Variants in VANGL2 observed in about 807,000 individuals in gnomAD.
VANGL2 encodes vang-like protein 2.
VANGL2 carries 14 observed loss-of-function variants against 50.2 expected under a neutral mutation model. The observed-to-expected ratio is 0.28, with a 90% CI of 0.18 to 0.44. The LOEUF is 0.44. Among genes scored for constraint, VANGL2 ranks in the 20% least tolerant of loss-of-function variants. The probability of loss-of-function intolerance (pLI) is 1.00; values close to 1 mark genes in which losing one functional copy is unlikely to be tolerated. For missense variants in VANGL2, 533 were observed against 701.5 expected (o/e 0.76, Z 2.71); for synonymous variants, 295 against 297.2 (o/e 0.99, Z 0.08).
chr1:160,424,004 G>T, intron 6 of VANGL2, 48 bp from the exon 7 acceptor site: 1 of 1,600,874 alleles, frequency 6.2e-7, no homozygotes, highest in Non-Finnish European at 8.6e-7. Context: ...GGGGTGGGGT[G>T]GGGGAAAGAG....
chr1:160,403,302 A>G (rs1220098662), intron 1 of VANGL2, among the ~76,000 whole-genome samples: 1 of 151,998 alleles, frequency 6.6e-6, no homozygotes, highest in Admixed American at 6.5e-5. Flanking sequence ...TGCATGATAT[A>G]TTATGCTGGT....
chr1:160,422,957 G>A (rs1014298532), intron 6 of VANGL2, among the ~76,000 whole-genome samples: 7 of 151,378 alleles, frequency 4.6e-5, no homozygotes, highest in Non-Finnish European at 8.8e-5. Flanking sequence ...CCAGGCTGGA[G>A]TGCAGTGGCA....
Position 160,424,136 on chromosome 1 carries a change from C to T in VANGL2, c.1158C>T (p.Asp386=). 2 of 1,613,396 alleles carry T rather than the reference C, an allele frequency of 1.2e-6. No individual in the cohort carries two copies. Among genetic ancestry groups the T allele is most frequent in the Non-Finnish European group, 1.7e-6 (2 of 1,179,368 alleles). Residue 386 remains aspartate, a synonymous_variant, in exon 7 of 8, where the codon GAC becomes GAT. Transcript: ENST00000368061. ...AGAAAAACCCCAGGGAGGTGATGGA[C>T]CCCCGGGAGGCAGCCCAAGCCATCT... ...EEQKNPREVM[D]PREAAQAIFA...
At chr1:160,402,993 G>A (rs1238694336) in intron 1 of VANGL2, among the ~76,000 whole-genome samples, 1 of 152,100 alleles carries the variant, frequency 6.6e-6, no homozygotes, top group East Asian at 1.9e-4. Flanking sequence ...GAATGTTAGA[G>A]TCTCTAATGG....
chr1:160,407,513 C>A (rs892516876), intron 1 of VANGL2, among the ~76,000 whole-genome samples: 1 of 152,208 alleles, frequency 6.6e-6, no homozygotes, highest in African/African-American at 2.4e-5. Flanking sequence ...CTCTCCCCAT[C>A]CACAGCAAGC....
chr1:160,401,156 G>A (rs1454813859), intron 1 of VANGL2, among the ~76,000 whole-genome samples: 1 of 152,148 alleles, frequency 6.6e-6, no homozygotes, highest in East Asian at 1.9e-4. Flanking sequence ...GGACTTTCCT[G>A]GGCCCGGGCG....
rs145631649 is a variant in VANGL2 at position 160,420,541 on chromosome 1, G to A, written c.931G>A (p.Gly311Arg). 8.7e-6 allele frequency: 14 copies of A among 1,614,004 alleles called. No individual in the cohort carries two copies. The highest frequency in any genetic ancestry group is 6.7e-5 in the African/African-American group (5 of 74,888). The change falls in exon 5 of 8, where the codon GGA becomes AGA. Residue 311 changes from glycine (G) to arginine (R), a missense_variant. Gly to Arg is a moderately radical substitution (Grantham distance 125). Coordinates refer to ENST00000368061, the MANE Select transcript of VANGL2 (RefSeq NM_020335.3). ...GTCTGGCTTCAAGGTGTATTCCCTC[G>A]GAGAGGGTGAGCAGCCCTGCTCCTC... ...KVSGFKVYSL[G>R]EENSTNNSTG...
chr1:160,404,689 G>A (rs1256843456), intron 1 of VANGL2, among the ~76,000 whole-genome samples: 2 of 152,088 alleles, frequency 1.3e-5, no homozygotes, highest in Admixed American at 6.6e-5. Context: ...GGCTTCCTTC[G>A]CTTAACATAA....
intron 1 of VANGL2, among the ~76,000 whole-genome samples, chr1:160,410,133 T>C (rs1355569684): frequency 6.6e-6 from 1 of 152,156 alleles, no homozygotes; most frequent in Non-Finnish European, 1.5e-5. Context: ...CCCTAGTCCC[T>C]GACTACGGAG....
intron 6 of VANGL2, among the ~76,000 whole-genome samples, chr1:160,421,992 T>C (rs1182824047): frequency 1.3e-5 from 2 of 152,248 alleles, no homozygotes; most frequent in Non-Finnish European, 2.9e-5. Flanking sequence ...TAAGTGAATT[T>C]AGTCAACCCT....
rs1218051803 is a variant in VANGL2, at chr1:160,421,200, G to T, written c.1073+13G>T. 6.2e-7 allele frequency: 1 copy of T among 1,612,518 alleles called. No homozygotes were observed. Among genetic ancestry groups the T allele is most frequent in the Admixed American group, 1.7e-5 (1 of 60,008 alleles). On this transcript the variant is annotated intron_variant, in intron 6 of 7. Transcript: ENST00000368061. Reference sequence around the variant, plus strand: ...AGAGGAGGGCCAGGTGGGTCCCTGGGGGAGAAGAGGAGAGGAGGTGCTTGT... The same window carrying T: ...AGAGGAGGGCCAGGTGGGTCCCTGGTGGAGAAGAGGAGAGGAGGTGCTTGT...
chr1:160,407,525 C>T (rs1650721246), intron 1 of VANGL2, among the ~76,000 whole-genome samples: 1 of 152,216 alleles, frequency 6.6e-6, no homozygotes, highest in Non-Finnish European at 1.5e-5. Flanking sequence ...ACAGCAAGCC[C>T]GAGGTTGGCT....
chr1:160,408,028 C>A (rs1048786225), intron 1 of VANGL2, among the ~76,000 whole-genome samples: 27 of 152,310 alleles, frequency 1.8e-4, no homozygotes, highest in African/African-American at 6.3e-4. Context: ...CTTTCCACCC[C>A]CAGTGTTCTC....
rs1651466845 is a variant in VANGL2, at chr1:160,426,647, A to G, written c.*1269A>G. The G allele has an allele frequency of 6.6e-6, 1 of 152,608 alleles. No homozygotes were observed. The highest frequency in any genetic ancestry group is 1.5e-5 in the Non-Finnish European group (1 of 68,032). The allele number at this position is 152,608 out of a possible 1,614,324, so 9.5% of individuals were successfully genotyped here. On this transcript the variant is annotated 3_prime_UTR_variant, in exon 8 of 8. Transcript: ENST00000368061. ...CAAATCCAAATTCTTGATAATTTAG[A>G]TCTCATTTTGAGCAAAATTTGCTGG... is the stretch of plus-strand genomic sequence containing the variant.
intron 5 of VANGL2, 31 bp from the exon 6 acceptor site, chr1:160,421,021 T>G (rs1389629229): frequency 6.2e-7 from 1 of 1,613,718 alleles, no homozygotes; most frequent in Non-Finnish European, 8.5e-7. Flanking sequence ...CACTCTGATG[T>G]GACCATCTCC....
chr1:160,409,112 G>A (rs936165590), intron 1 of VANGL2, among the ~76,000 whole-genome samples: 6 of 152,238 alleles, frequency 3.9e-5, no homozygotes, highest in African/African-American at 1.4e-4. Flanking sequence ...AGAAGAGGGG[G>A]CAGGACGGAG....
intron 1 of VANGL2, among the ~76,000 whole-genome samples, chr1:160,401,357 CAG>C (rs772408429): frequency 2.7e-5 from 4 of 150,676 alleles, no homozygotes; most frequent in Non-Finnish European, 5.9e-5. Flanking sequence ...AGAGTGGAGT[CAG>C]GGGGGCGGGT....
At chr1:160,405,307 G>A (rs1000338332) in intron 1 of VANGL2, among the ~76,000 whole-genome samples, 6 of 152,100 alleles carry the variant, frequency 3.9e-5, no homozygotes, top group African/African-American at 9.7e-5. Flanking sequence ...TCTACCCTAC[G>A]GCGGCCCTCC....
At chr1:160,411,954 A>G (rs1650896826) in intron 1 of VANGL2, among the ~76,000 whole-genome samples, 1 of 152,180 alleles carries the variant, frequency 6.6e-6, no homozygotes, top group African/African-American at 2.4e-5. Flanking sequence ...CTAGTCTCAG[A>G]GGAAGTGTCT....
Sources: gnomAD v4.1 joint callset for allele counts (sites outside exome capture counted in the v4.1 genomes callset) on GRCh38, gnomAD v4.1.1 for gene constraint, MANE v1.5 for transcripts, NCBI Gene and HGNC (gene_info 2026-07-23, HGNC 2026-07-21) for gene names.